SAMD5: variants seen among roughly 807,000 people sequenced by gnomAD.
The protein encoded by SAMD5 is sterile alpha motif domain containing 5.
In SAMD5, 13 loss-of-function variants were observed where a neutral mutation model predicts 11.3. That is an observed-to-expected ratio of 1.15 (90% CI 0.75 to 1.83). The LOEUF (loss-of-function observed/expected upper bound fraction) is 1.83. Ranked by LOEUF, SAMD5 falls within the 40% of genes most tolerant of loss-of-function variation. The pLI is 0.00. For missense variants in SAMD5, 255 were observed against 239.1 expected (o/e 1.07, Z -0.44); for synonymous variants, 129 against 111.3 (o/e 1.16, Z -1.00).
intron 1 of SAMD5, among the ~76,000 whole-genome samples, chr6:147,545,754 G>C (rs1788675542): frequency 6.6e-6 from 1 of 152,042 alleles, no homozygotes; most frequent in Admixed American, 6.5e-5. Context: ...ATAAAACACA[G>C]ACACACACAT....
downstream of SAMD5, among the ~76,000 whole-genome samples, chr6:147,572,004 C>T (rs1789145076): frequency 6.6e-6 from 1 of 150,924 alleles, no homozygotes; most frequent in Non-Finnish European, 1.5e-5. Flanking sequence ...TTTTGATGAC[C>T]TCCACCAGGC....
rs763103830 is a variant in SAMD5 at position 147,509,283 on chromosome 6, A to G, written c.355A>G (p.Ser119Gly). The G allele has an allele frequency of 6.4e-7, 1 of 1,563,060 alleles. No individual in the cohort carries two copies. Among genetic ancestry groups the G allele is most frequent in the South Asian group, 1.2e-5 (1 of 85,196 alleles). The change falls in exon 1 of 2, where the codon AGC becomes GGC. Residue 119 changes from serine (S) to glycine (G), a missense_variant. Ser to Gly is a moderately conservative substitution (Grantham distance 56, BLOSUM62 0). Transcript: ENST00000367474. Reference sequence around the variant, plus strand: ...TCGCGGCCACACGACCGCCCCCCGCAGCAGGGAGCTGGTGAGCTACCCCAA... The same window carrying G: ...TCGCGGCCACACGACCGCCCCCCGCGGCAGGGAGCTGGTGAGCTACCCCAA... ...DSRGHTTAPR[S>G]RELVSYPKLK...
chr6:147,755,607 GC>G, the SAMD5 span, among the ~76,000 whole-genome samples: 3 of 152,058 alleles, frequency 2.0e-5, no homozygotes, highest in Non-Finnish European at 4.4e-5. Context: ...TATGGAAAAG[GC>G]CTGCTTGGGT....
At chr6:147,809,357 C>T in the SAMD5 span, among the ~76,000 whole-genome samples, 1 of 152,066 alleles carries the variant, frequency 6.6e-6, no homozygotes, top group Admixed American at 6.6e-5. Flanking sequence ...CACCTCCTCC[C>T]CAGCTTAAAT....
intron 1 of SAMD5, among the ~76,000 whole-genome samples, chr6:147,657,908 C>T (rs1190879572): frequency 6.6e-6 from 1 of 152,166 alleles, no homozygotes; most frequent in Non-Finnish European, 1.5e-5. Context: ...TGCAAAGATT[C>T]AGTCTGTAAC....
At chr6:147,809,521 C>T in the SAMD5 span, among the ~76,000 whole-genome samples, 3 of 151,984 alleles carry the variant, frequency 2.0e-5, no homozygotes, top group African/African-American at 7.2e-5. Flanking sequence ...AAATGATTTT[C>T]TTTTTAAAGA....
chr6:147,688,392 T>C (rs1791048343), intron 1 of SAMD5, among the ~76,000 whole-genome samples: 1 of 152,226 alleles, frequency 6.6e-6, no homozygotes, highest in Admixed American at 6.5e-5. Flanking sequence ...TTCTCAGTGA[T>C]AGTTATCTTT....
intron 1 of SAMD5, among the ~76,000 whole-genome samples, chr6:147,512,466 A>G (rs1344299757): frequency 6.6e-6 from 1 of 152,224 alleles, no homozygotes; most frequent in Non-Finnish European, 1.5e-5. Context: ...CTTCCCAAGA[A>G]TCACCTGAAA....
At chr6:147,669,076 T>A (rs866887633) in intron 1 of SAMD5, among the ~76,000 whole-genome samples, 1 of 152,170 alleles carries the variant, frequency 6.6e-6, no homozygotes, top group African/African-American at 2.4e-5. Flanking sequence ...TGTGGCAATT[T>A]ATTAAAATAA....
chr6:147,822,830 T>A, the SAMD5 span, among the ~76,000 whole-genome samples: 7,480 of 152,266 alleles, frequency 0.049, 208 homozygotes, highest in African/African-American at 0.06. Context: ...TTATGTATTT[T>A]TTGAGACAGA....
the SAMD5 span, among the ~76,000 whole-genome samples, chr6:147,807,512 T>C: frequency 1.3e-3 from 194 of 152,330 alleles, 1 homozygote; most frequent in African/African-American, 4.5e-3. Context: ...CTCAGAGGAA[T>C]GAAGCACTCT....
At chr6:147,870,751 G>A in the SAMD5 span, among the ~76,000 whole-genome samples, 1 of 141,694 alleles carries the variant, frequency 7.1e-6, no homozygotes, top group Non-Finnish European at 1.5e-5. Context: ...GGGGAGAGGG[G>A]GCAGGAAGTC....
chr6:147,899,316 A>T, the SAMD5 span, among the ~76,000 whole-genome samples: 2 of 152,056 alleles, frequency 1.3e-5, no homozygotes, highest in Non-Finnish European at 2.9e-5. Context: ...AATACATAGG[A>T]GTTGTGAGGC....
the SAMD5 span, among the ~76,000 whole-genome samples, chr6:147,907,816 G>C: frequency 6.6e-6 from 1 of 152,172 alleles, no homozygotes; most frequent in Non-Finnish European, 1.5e-5. Flanking sequence ...TCATTTTTCA[G>C]TTGTGCTATT....
chr6:147,727,570 A>T (rs979350036), intron 1 of SAMD5, among the ~76,000 whole-genome samples: 13 of 152,056 alleles, frequency 8.5e-5, no homozygotes, highest in Admixed American at 8.5e-4. Flanking sequence ...GAGAGTAAAC[A>T]TGGTTTCCTG....
At chr6:147,690,999 G>T (rs1409606560) in intron 1 of SAMD5, among the ~76,000 whole-genome samples, 3 of 140,628 alleles carry the variant, frequency 2.1e-5, no homozygotes, top group Admixed American at 7.1e-5. Context: ...GGGATCGGGG[G>T]TGTGGGGGTG....
At chr6:147,668,233 C>T (rs997068111) in intron 1 of SAMD5, among the ~76,000 whole-genome samples, 3 of 152,126 alleles carry the variant, frequency 2.0e-5, no homozygotes, top group South Asian at 2.1e-4. Context: ...TACGCACATA[C>T]GTATGTAGAT....
chr6:147,510,663 T>A (rs919647752), intron 1 of SAMD5, among the ~76,000 whole-genome samples: 7 of 152,226 alleles, frequency 4.6e-5, no homozygotes, highest in African/African-American at 1.7e-4. Context: ...TAACAATACC[T>A]AAGGTAGATG....
chr6:147,877,845 A>AACACACACACACAC, the SAMD5 span, among the ~76,000 whole-genome samples: 1 of 44,306 alleles, frequency 2.3e-5, no homozygotes, highest in African/African-American at 7.9e-5. Context: ...CTTTTATATA[A>AACACACACACACAC]ATACACACAC....
Sources: allele counts gnomAD v4.1 joint callset (sites outside exome capture counted in the v4.1 genomes callset), GRCh38; gene constraint gnomAD v4.1.1; transcripts MANE v1.5; gene names NCBI Gene and HGNC (gene_info 2026-07-23, HGNC 2026-07-21).